Variants in PRICKLE2 observed in about 807,000 individuals in gnomAD.
The protein encoded by PRICKLE2 is prickle-like protein 2.
A neutral mutation model predicts 81.4 loss-of-function variants in PRICKLE2; 21 were observed. The observed-to-expected ratio is 0.26, with a 90% confidence interval of 0.18 to 0.37. The LOEUF (loss-of-function observed/expected upper bound fraction) is 0.37. Among genes scored for constraint, PRICKLE2 ranks in the 10% least tolerant of loss-of-function variants. The pLI is 1.00. For missense variants in PRICKLE2, 940 were observed against 1,109.0 expected (o/e 0.85, Z 2.16); for synonymous variants, 456 against 421.5 (o/e 1.08, Z -1.00).
intron 3 of PRICKLE2, among the ~76,000 whole-genome samples, chr3:64,161,753 C>T (rs374305038): frequency 6.6e-6 from 1 of 151,098 alleles, no homozygotes; most frequent in African/African-American, 2.4e-5. Flanking sequence ...TGTAAACGTC[C>T]CAGAGAGAAC....
intron 2 of PRICKLE2, among the ~76,000 whole-genome samples, chr3:64,258,690 G>T (rs2079563230): frequency 6.6e-6 from 1 of 151,324 alleles, no homozygotes; most frequent in Non-Finnish European, 1.5e-5. Flanking sequence ...CAGGTGTGGT[G>T]GCGGGTGCCT....
In PRICKLE2 at chr3:64,099,593, T is replaced by C; in HGVS notation, c.1993A>G (p.Met665Val). 1 of 1,613,896 alleles carries C rather than the reference T, an allele frequency of 6.2e-7. No individual in the cohort carries two copies. The highest frequency in any genetic ancestry group is 8.5e-7 in the Non-Finnish European group (1 of 1,180,028). The change falls in exon 8 of 8, where the codon ATG becomes GTG. Residue 665 changes from methionine (M) to valine (V), a missense_variant. Met to Val is a conservative substitution (Grantham distance 21). This residue lies in a region of PRICKLE2 where 670 missense variants were observed against 717.2 expected (regional missense o/e 0.93). Coordinates refer to ENST00000638394, the MANE Select transcript of PRICKLE2 (RefSeq NM_198859.4). The surrounding 1 kb of genome is among the most constrained non-coding windows in gnomAD (Gnocchi z 4.3). ...GCTCTTCTCCGGGTGCGTTCACTCA[T>C]GGGCTGGATCCTCACGCCCTCCTGC... ...PGQEGVRIQP[M>V]SERTRRRATS... is the part of the protein sequence containing the mutation.
At chr3:64,261,233 A>C (rs960314539) in intron 2 of PRICKLE2, among the ~76,000 whole-genome samples, 1 of 152,192 alleles carries the variant, frequency 6.6e-6, no homozygotes, top group African/African-American at 2.4e-5. Flanking sequence ...ACCCCCAGGA[A>C]GTAAGAGGGA....
intron 7 of PRICKLE2, among the ~76,000 whole-genome samples, chr3:64,115,609 T>A (rs1281185915): frequency 6.6e-6 from 1 of 152,170 alleles, no homozygotes; most frequent in Non-Finnish European, 1.5e-5. Context: ...AGAAGGGCAT[T>A]ATGTAATGGT....
chr3:64,190,942 T>C (rs2078321700), intron 2 of PRICKLE2, among the ~76,000 whole-genome samples: 1 of 152,136 alleles, frequency 6.6e-6, no homozygotes, highest in Non-Finnish European at 1.5e-5. Flanking sequence ...CAGAGCTCAG[T>C]ACTTCAGCAG....
intron 5 of PRICKLE2, among the ~76,000 whole-genome samples, chr3:64,155,602 G>A (rs2077622102): frequency 6.6e-6 from 1 of 152,154 alleles, no homozygotes; most frequent in South Asian, 2.1e-4. Flanking sequence ...GTTGTTTAGA[G>A]TAGCCAAAAA....
intron 7 of PRICKLE2, among the ~76,000 whole-genome samples, chr3:64,122,650 C>G (rs1165180768): frequency 6.6e-6 from 1 of 152,170 alleles, no homozygotes; most frequent in Non-Finnish European, 1.5e-5. Context: ...CTTGTCAGTG[C>G]CAAGCAAGGT....
chr3:64,240,206 C>G (rs962322947), intron 2 of PRICKLE2, among the ~76,000 whole-genome samples: 1 of 152,032 alleles, frequency 6.6e-6, no homozygotes, highest in African/African-American at 2.4e-5. Context: ...ATAAGGGACA[C>G]CTGGGTTTGG....
chr3:64,151,771 T>G (rs1019932440), intron 6 of PRICKLE2, among the ~76,000 whole-genome samples: 8 of 152,200 alleles, frequency 5.3e-5, no homozygotes, highest in Admixed American at 3.9e-4. Flanking sequence ...TCTTCGCATT[T>G]CCTAACTCTT....
At chr3:64,205,430 T>C (rs1049061211) in intron 1 of PRICKLE2, among the ~76,000 whole-genome samples, 6 of 152,152 alleles carry the variant, frequency 3.9e-5, no homozygotes, top group African/African-American at 9.7e-5. Flanking sequence ...ATTTGGAAAA[T>C]GACTAACAAT....
chr3:64,174,828 T>A lies in PRICKLE2; in HGVS notation c.145-11699A>T, dbSNP rs1373473697. On this transcript the variant is annotated intron_variant, in intron 2 of 7. Coordinates refer to ENST00000638394, the MANE Select transcript of PRICKLE2 (RefSeq NM_198859.4). ...CTTGGATAAATATACCAAGAAAGAATGGTGATTTGGGCCACATGAACATCA... is the reference window on the plus strand; with the variant it reads ...CTTGGATAAATATACCAAGAAAGAAAGGTGATTTGGGCCACATGAACATCA... The A allele has an allele frequency of 1.9e-5, 4 of 214,708 alleles. No individual in the cohort carries two copies. The East Asian group carries it at 4.5e-4, about 24-fold the overall frequency. 13.3% of individuals were successfully genotyped at this position (214,708 alleles called of 1,614,324 possible). A position where few individuals can be genotyped will look rare whatever the true frequency, so the allele number is the denominator to read the frequency against.
rs2076608642 is a variant in PRICKLE2, at chr3:64,098,953, A to G, written c.*98T>C. The stretch of plus-strand genomic sequence containing the variant: ...CAGCATTTTCCCTTTTCTCCCCCAT[A>G]AGCCACCCCCAAAAGCGCTTTAACA... On this transcript the variant is annotated 3_prime_UTR_variant, in exon 8 of 8. Transcript: ENST00000638394. 3 of 1,446,786 alleles carry G rather than the reference A, an allele frequency of 2.1e-6. No individual in the cohort carries two copies. The highest frequency in any genetic ancestry group is 2.9e-6 in the Non-Finnish European group (3 of 1,031,790). The allele number at this position is 1,446,786 out of a possible 1,614,324, so 89.6% of individuals were successfully genotyped here. A position where few individuals can be genotyped will look rare whatever the true frequency, so the allele number is the denominator to read the frequency against.
At chr3:64,178,278 T>A (rs2078059614) in intron 2 of PRICKLE2, among the ~76,000 whole-genome samples, 1 of 152,222 alleles carries the variant, frequency 6.6e-6, no homozygotes. Context: ...ATATTCTGTA[T>A]CTTAAACCCT....
At chr3:64,165,997 TG>T (rs879903321) in intron 2 of PRICKLE2, among the ~76,000 whole-genome samples, 25,735 of 143,946 alleles carry the variant, frequency 0.18, 2,349 homozygotes, top group Non-Finnish European at 0.21. Flanking sequence ...TGTGTGTGTG[TG>T]TGTGTGTGTG....
At chr3:64,220,519 G>GCC (rs2078935405) in intron 1 of PRICKLE2, among the ~76,000 whole-genome samples, 2 of 152,148 alleles carry the variant, frequency 1.3e-5, no homozygotes, top group Non-Finnish European at 2.9e-5. Context: ...TGCCTTCAGT[G>GCC]CCCCAGGATA....
chr3:64,198,250 ATAAAT>A (rs2078499045), intron 2 of PRICKLE2, among the ~76,000 whole-genome samples: 1 of 142,358 alleles, frequency 7.0e-6, no homozygotes, highest in Non-Finnish European at 1.5e-5. Flanking sequence ...AAATAAATAA[ATAAAT>A]AAAACAAAAA....
At chr3:64,157,565 A>C (rs1194126301) in intron 4 of PRICKLE2, among the ~76,000 whole-genome samples, 200 bp from the exon 5 acceptor site, 1 of 152,192 alleles carries the variant, frequency 6.6e-6, no homozygotes, top group Non-Finnish European at 1.5e-5. Context: ...GCTTACAAAT[A>C]ATGTAGAGAG....
At chr3:64,165,963 GGT>G (rs67554015) in intron 2 of PRICKLE2, among the ~76,000 whole-genome samples, 2,274 of 61,714 alleles carry the variant, frequency 0.037, 27 homozygotes, top group Non-Finnish European at 0.042. Flanking sequence ...CTGTTATAAA[GGT>G]GTGTGTGTGT....
chr3:64,171,194 T>C (rs1446460850), intron 2 of PRICKLE2, among the ~76,000 whole-genome samples: 3 of 152,208 alleles, frequency 2.0e-5, no homozygotes, highest in Non-Finnish European at 4.4e-5. Context: ...AAGGGCCACC[T>C]TGGCTGCCTT....
Sources: allele counts gnomAD v4.1 joint callset (sites outside exome capture counted in the v4.1 genomes callset), GRCh38; gene constraint gnomAD v4.1.1; regional missense constraint gnomAD v4.1.1; non-coding constraint Gnocchi (gnomAD v3.1); transcripts MANE v1.5; gene names NCBI Gene and HGNC (gene_info 2026-07-23, HGNC 2026-07-21).